Variants in AKR1D1 observed in about 807,000 individuals in gnomAD.
AKR1D1 encodes delta(4)-3-ketosteroid 5-beta-reductase.
A neutral mutation model predicts 42.6 loss-of-function variants in AKR1D1; 32 were observed. The observed-to-expected ratio is 0.75, with a 90% CI of 0.57 to 1.01. The LOEUF is 1.01. Among genes scored for constraint, AKR1D1 ranks in the 50% least tolerant of loss-of-function variants. The probability of loss-of-function intolerance (pLI) is 0.00; values close to 1 mark genes in which losing one functional copy is unlikely to be tolerated. For missense variants in AKR1D1, 364 were observed against 402.2 expected, an observed-to-expected ratio of 0.91 and a Z score of 0.81; for synonymous variants, 123 against 135.5, an observed-to-expected ratio of 0.91 and a Z score of 0.64.
chr7:138,106,441 C>A (rs919456751), intron 5 of AKR1D1, among the ~76,000 whole-genome samples, 167 bp from the exon 6 acceptor site: 6 of 152,000 alleles, frequency 3.9e-5, no homozygotes, highest in African/African-American at 1.2e-4. Flanking sequence ...TTTAAGGAAG[C>A]AAAATGAACA....
At chr7:138,097,581 T>C (rs1794207492) in intron 3 of AKR1D1, among the ~76,000 whole-genome samples, 2 of 152,230 alleles carry the variant, frequency 1.3e-5, no homozygotes, top group African/African-American at 2.4e-5. Flanking sequence ...ATTGAGTAGA[T>C]ACACAAGTCC....
At chr7:138,093,292 C>A (rs1468513717) in intron 3 of AKR1D1, among the ~76,000 whole-genome samples, 1 of 152,136 alleles carries the variant, frequency 6.6e-6, no homozygotes, top group Non-Finnish European at 1.5e-5. Flanking sequence ...TGGTCTCGAT[C>A]TCCTGACCTC....
At chr7:138,095,309 T>G (rs1794163241) in intron 3 of AKR1D1, among the ~76,000 whole-genome samples, 1 of 152,126 alleles carries the variant, frequency 6.6e-6, no homozygotes, top group South Asian at 2.1e-4. Context: ...AAATTCAAAG[T>G]GCTTAGAAAT....
At chr7:138,085,435 T>C (rs1008224109) in intron 1 of AKR1D1, among the ~76,000 whole-genome samples, 2 of 143,402 alleles carry the variant, frequency 1.4e-5, no homozygotes, top group Admixed American at 7.4e-5. Context: ...TCTTTCTTTT[T>C]CTTTTCTTTC....
rs117045172 is a variant in AKR1D1 at position 138,109,645 on chromosome 7, C to T, written c.855+2065C>T. On this transcript the variant is annotated intron_variant, in intron 7 of 8. Coordinates refer to ENST00000242375, the MANE Select transcript of AKR1D1 (RefSeq NM_005989.4). ...GGAAAGTTCGTAAAAAGAAAAAAGG[C>T]GAAAAGATGCTGAATAGTTACATCA... Among the ~76,000 whole-genome samples, 1,299 of 152,182 alleles carry T rather than the reference C, an allele frequency of 8.5e-3. 14 individuals are homozygous for T. The highest frequency in any genetic ancestry group is 0.021 in the African/African-American group (886 of 41,540).
chr7:138,091,685 G>A (rs1178086338), intron 2 of AKR1D1, 83 bp from the exon 3 acceptor site: 7 of 1,070,794 alleles, frequency 6.5e-6, no homozygotes, highest in South Asian at 3.8e-5. Flanking sequence ...AAATGTGTAC[G>A]AGTGTTTTAC....
chr7:138,088,524 C>G, intron 1 of AKR1D1, 77 bp from the exon 2 acceptor site: 2 of 1,499,418 alleles, frequency 1.3e-6, no homozygotes, highest in Non-Finnish European at 1.9e-6. Flanking sequence ...AATGTACATG[C>G]AAAATGTCCT....
intron 3 of AKR1D1, 80 bp from the exon 4 acceptor site, chr7:138,097,786 C>T: frequency 8.8e-7 from 1 of 1,130,590 alleles, no homozygotes; most frequent in Non-Finnish European, 1.3e-6. Flanking sequence ...ATTATGAAGA[C>T]TGGGAAGTCT....
chr7:138,105,246 A>G lies in AKR1D1; in HGVS notation c.457-61A>G. On this transcript the variant is annotated intron_variant, in intron 4 of 8. Transcript: ENST00000242375. ...TTAAAGAATTCACAGTCACCCTTAT[A>G]AACATTCATTCTTGCTTCTTGTGAG... 5 of 1,611,792 alleles carry G rather than the reference A, an allele frequency of 3.1e-6. No individual in the cohort carries two copies. The South Asian group carries it at 5.5e-5, about 18-fold the overall frequency.
At position 138,091,494 on chromosome 7, in the gene AKR1D1, G is replaced by A. The variant is rs17169512; in HGVS notation, c.262-274G>A. Reference sequence around the variant, plus strand: ...GCTCATCCTATACTCAGATGACACTGCATCATAAACATATTTTTGTGAAAT... The same window carrying A: ...GCTCATCCTATACTCAGATGACACTACATCATAAACATATTTTTGTGAAAT... On this transcript the variant is annotated intron_variant, in intron 2 of 8. Transcript: ENST00000242375. Among the ~76,000 whole-genome samples the A allele has an allele frequency of 0.034, 5,185 of 152,164 alleles. 314 individuals carry two copies. Among genetic ancestry groups the A allele is most frequent in the African/African-American group, 0.12 (4,879 of 41,482 alleles).
At chr7:138,081,328 T>C (rs926059076) in intron 1 of AKR1D1, among the ~76,000 whole-genome samples, 2 of 151,958 alleles carry the variant, frequency 1.3e-5, no homozygotes, top group Admixed American at 6.6e-5. Context: ...TTTATCCAAC[T>C]TGAAATTCCA....
intron 7 of AKR1D1, among the ~76,000 whole-genome samples, chr7:138,109,513 C>T (rs1794496720): frequency 6.6e-6 from 1 of 152,168 alleles, no homozygotes; most frequent in Admixed American, 6.5e-5. Context: ...CTGAAGGTCA[C>T]CCTCATATTA....
At chr7:138,098,564 C>T (rs1794228806) in intron 4 of AKR1D1, among the ~76,000 whole-genome samples, 1 of 152,120 alleles carries the variant, frequency 6.6e-6, no homozygotes, top group African/African-American at 2.4e-5. Context: ...GAGCCGAGAT[C>T]ATGCCACTGC....
At position 138,117,696 on chromosome 7, in the gene AKR1D1, GAT is replaced by G. The variant is rs1388345574; in HGVS notation, c.*1039_*1040del. 1 of 152,186 alleles carries G rather than the reference GAT, an allele frequency of 6.6e-6. No individual in the cohort carries two copies. Among genetic ancestry groups the G allele is most frequent in the Non-Finnish European group, 1.5e-5 (1 of 68,040 alleles). 9.4% of individuals were successfully genotyped at this position (152,186 alleles called of 1,614,324 possible). ...AAGATTATTAGAATTCAGCAATAGA[GAT>G]ATATCTATTTTCAATTCAACTACAG... On this transcript the variant is annotated 3_prime_UTR_variant, in exon 9 of 9. Coordinates refer to ENST00000242375, the MANE Select transcript of AKR1D1 (RefSeq NM_005989.4).
At position 138,113,719 on chromosome 7, in the gene AKR1D1, A is replaced by C; in HGVS notation, c.885A>C (p.Glu295Asp). 3 of 1,614,164 alleles carry C rather than the reference A, an allele frequency of 1.9e-6. No homozygotes were observed. In the African/African-American group the frequency reaches 4.0e-5, roughly 22 times the overall value. ...TTGACTTTTCTCTCACTGAAGAAGA[A>C]ATGAAGGACATTGAAGCCTTGAATA... ...QIFDFSLTEE[E>D]MKDIEALNKN... The change falls in exon 8 of 9, where the codon GAA (glutamate) becomes GAC (aspartate). Residue 295 changes from glutamate to aspartate, a missense_variant. Physicochemically the swap from Glu to Asp is conservative, Grantham distance 45 (BLOSUM62 2). Transcript: ENST00000242375.
intron 8 of AKR1D1, 99 bp from the exon 9 acceptor site, chr7:138,116,521 A>G: frequency 7.9e-7 from 1 of 1,266,186 alleles, no homozygotes; most frequent in South Asian, 1.2e-5. Flanking sequence ...AATAGGAGAG[A>G]GGGGTAGTGG....
In AKR1D1 at chr7:138,088,497, C is replaced by G; in HGVS notation, c.94-104C>G. The G allele has an allele frequency of 3.0e-6, 4 of 1,335,094 alleles. No homozygotes were observed. The South Asian group carries it at 4.8e-5, about 16-fold the overall frequency. 82.7% of individuals were successfully genotyped at this position (1,335,094 alleles called of 1,614,324 possible). ...CAACAGCAAGGAATTGGGAATGTGT[C>G]ATTTTAGCTGTAAAGGAATGTACAT... is the stretch of plus-strand genomic sequence containing the variant. On this transcript the variant is annotated intron_variant, in intron 1 of 8. Transcript: ENST00000242375.
chr7:138,105,925 A>G (rs1794416332), intron 5 of AKR1D1, among the ~76,000 whole-genome samples: 1 of 54,818 alleles, frequency 1.8e-5, no homozygotes, highest in East Asian at 4.2e-4. Context: ...ATGAAAATCA[A>G]TGAAAAAAAA....
intron 1 of AKR1D1, among the ~76,000 whole-genome samples, chr7:138,077,562 T>A (rs190962785): frequency 9.3e-4 from 141 of 152,334 alleles, no homozygotes; most frequent in African/African-American, 3.3e-3. Context: ...ATAATTAAAT[T>A]TGACCATGAA....
Sources: allele counts gnomAD v4.1 joint callset (sites outside exome capture counted in the v4.1 genomes callset), GRCh38; gene constraint gnomAD v4.1.1; transcripts MANE v1.5; gene names NCBI Gene and HGNC (gene_info 2026-07-23, HGNC 2026-07-21).